The following DYRK4 variants were observed in gnomAD, a reference collection of about 807,000 sequenced individuals.
DYRK4 encodes dual specificity tyrosine-phosphorylation-regulated kinase 4.
A neutral mutation model predicts 68.3 loss-of-function variants in DYRK4; 64 were observed. That is an observed-to-expected ratio of 0.94 (90% CI 0.77 to 1.15). The LOEUF is 1.15. DYRK4 is among the 50% of genes most tolerant of loss of function. DYRK4 has a pLI of 0.00. For synonymous variants in DYRK4, 274 were observed against 289.9 expected (o/e 0.95, Z 0.56); for missense variants, 740 against 764.7 (o/e 0.97, Z 0.38).
At chr12:4,562,819 G>A (rs1320056060) in intron 1 of DYRK4, among the ~76,000 whole-genome samples, 2 of 149,760 alleles carry the variant, frequency 1.3e-5, no homozygotes, top group African/African-American at 5.0e-5. Flanking sequence ...AGCGCGCGAA[G>A]GTGTGTGTAG....
chr12:4,569,046 A>G (rs546569278), intron 2 of DYRK4, among the ~76,000 whole-genome samples: 1 of 152,236 alleles, frequency 6.6e-6, no homozygotes, highest in East Asian at 1.9e-4. Context: ...TAAATCACAT[A>G]TATTTACTTA....
intron 2 of DYRK4, among the ~76,000 whole-genome samples, chr12:4,580,317 G>A (rs796982656): frequency 3.9e-5 from 6 of 152,200 alleles, no homozygotes; most frequent in South Asian, 2.1e-4. Context: ...GGCTGGCCAC[G>A]TTCGTCCCAC....
At chr12:4,578,872 C>T (rs941911225) in intron 2 of DYRK4, among the ~76,000 whole-genome samples, 4 of 152,194 alleles carry the variant, frequency 2.6e-5, no homozygotes, top group African/African-American at 9.7e-5. Context: ...GACTGATGAA[C>T]TCTTTTACAA....
chr12:4,567,904 A>C, intron 1 of DYRK4, 51 bp from the exon 2 acceptor site: 3 of 1,432,774 alleles, frequency 2.1e-6, no homozygotes, highest in Non-Finnish European at 2.8e-6. Context: ...GTGGGCCATT[A>C]CTTAGATTTG....
chr12:4,580,014 T>A (rs1336483873), intron 2 of DYRK4, among the ~76,000 whole-genome samples: 1 of 152,190 alleles, frequency 6.6e-6, no homozygotes. Context: ...AATGTTTGCC[T>A]CCCTTTCTCC....
intron 2 of DYRK4, among the ~76,000 whole-genome samples, chr12:4,576,319 C>G (rs956455340): frequency 3.3e-5 from 5 of 152,176 alleles, no homozygotes; most frequent in Non-Finnish European, 7.3e-5. Context: ...CAGTAATGTC[C>G]TCCATGTCTT....
intron 2 of DYRK4, among the ~76,000 whole-genome samples, chr12:4,585,231 T>C (rs963070019): frequency 2.0e-5 from 3 of 152,178 alleles, no homozygotes; most frequent in African/African-American, 7.2e-5. Flanking sequence ...CTGTCCCTTC[T>C]CTTGATTCCC....
At chr12:4,592,014 G>A (rs1944961520) in intron 5 of DYRK4, among the ~76,000 whole-genome samples, 1 of 152,198 alleles carries the variant, frequency 6.6e-6, no homozygotes, top group South Asian at 2.1e-4. Flanking sequence ...TGCAAAGGAA[G>A]AGAGCCCAAA....
chr12:4,595,999 A>T (rs762252495), intron 6 of DYRK4, 150 bp from the exon 7 acceptor site: 199 of 819,064 alleles, frequency 2.4e-4, no homozygotes, highest in Non-Finnish European at 3.3e-4. Flanking sequence ...TCGCAATGAG[A>T]TGAGGGCGAG....
intron 2 of DYRK4, among the ~76,000 whole-genome samples, chr12:4,580,347 A>G (rs1944829391): frequency 6.6e-6 from 1 of 152,218 alleles, no homozygotes; most frequent in African/African-American, 2.4e-5. Context: ...TCAGGGGTGC[A>G]GCTGTGGCTG....
intron 10 of DYRK4, 143 bp from the exon 11 acceptor site, chr12:4,604,771 A>C: frequency 1.1e-6 from 1 of 922,634 alleles, no homozygotes; most frequent in Non-Finnish European, 1.5e-6. Flanking sequence ...TGATGGTGTA[A>C]TGGGAGTTCT....
intron 1 of DYRK4, chr12:4,562,921 T>C (rs1944643139): frequency 5.5e-6 from 2 of 361,140 alleles, no homozygotes; most frequent in Middle Eastern, 8.0e-4. Context: ...TTGAGGGTTT[T>C]TAAAGGCTAT....
At position 4,593,064 on chromosome 12, in the gene DYRK4, G is replaced by C. The variant is rs12306130; in HGVS notation, c.526G>C (p.Ala176Pro). The change falls in exon 6 of 15, where the codon GCG becomes CCG. Residue 176 changes from alanine (A) to proline (P), a missense_variant. Ala to Pro is a conservative substitution (Grantham distance 27, BLOSUM62 -1). Coordinates refer to ENST00000543431, the MANE Select transcript of DYRK4 (RefSeq NM_001394779.1). Reference protein sequence around the residue: ...PYEQSEILGYAELWFLGLEAK... With the variant: ...PYEQSEILGYPELWFLGLEAK... ...TGAACAAAGTGAAATCCTGGGCTAC[G>C]CGGAGCTGTGGTTCCTGGGTCTTGA... The C allele has an allele frequency of 6.2e-7, 1 of 1,614,126 alleles. No individual in the cohort carries two copies. The highest frequency in any genetic ancestry group is 1.1e-5 in the South Asian group (1 of 91,078).
At chr12:4,567,869 C>A in intron 1 of DYRK4, 86 bp from the exon 2 acceptor site, 3 of 1,173,686 alleles carry the variant, frequency 2.6e-6, no homozygotes, top group Non-Finnish European at 2.4e-6. Flanking sequence ...TTCAAACCTG[C>A]CTGCTTTCTT....
intron 10 of DYRK4, chr12:4,602,052 T>C (rs1411515902): frequency 2.6e-6 from 1 of 392,068 alleles, no homozygotes; most frequent in Non-Finnish European, 4.6e-6. Flanking sequence ...TGGAAAGTTA[T>C]CTGCATGTTG....
At chr12:4,587,182 T>C (rs1944906069) in intron 2 of DYRK4, among the ~76,000 whole-genome samples, 2 of 152,198 alleles carry the variant, frequency 1.3e-5, no homozygotes, top group South Asian at 4.1e-4. Flanking sequence ...TTCAGTGCTT[T>C]CCATGCCCTG....
chr12:4,607,279 A>T (rs758845880), intron 11 of DYRK4, 48 bp from the exon 12 acceptor site: 29 of 1,612,046 alleles, frequency 1.8e-5, no homozygotes, highest in Non-Finnish European at 2.1e-5. Flanking sequence ...TCAGCCTTTG[A>T]ATCTGTGCTC....
intron 12 of DYRK4, among the ~76,000 whole-genome samples, chr12:4,607,944 TG>T (rs1945172863): frequency 6.6e-6 from 1 of 152,212 alleles, no homozygotes; most frequent in Non-Finnish European, 1.5e-5. Context: ...GTCTGATTGT[TG>T]GGAGTAAACT....
intron 1 of DYRK4, among the ~76,000 whole-genome samples, chr12:4,566,051 C>T (rs1304248429): frequency 6.6e-6 from 1 of 152,314 alleles, no homozygotes; most frequent in East Asian, 1.9e-4. Context: ...TTACAAATCC[C>T]ATGTCCAGTT....
Sources: gnomAD v4.1 joint callset for allele counts (sites outside exome capture counted in the v4.1 genomes callset) on GRCh38, gnomAD v4.1.1 for gene constraint, MANE v1.5 for transcripts, NCBI Gene and HGNC (gene_info 2026-07-23, HGNC 2026-07-21) for gene names.